The following CELF2 variants were observed in gnomAD, a reference collection of about 807,000 sequenced individuals.
The protein encoded by CELF2 is CUG triplet repeat RNA-binding protein 2.
CELF2 carries 8 observed loss-of-function variants against 62.6 expected under a neutral mutation model. That is an observed-to-expected ratio of 0.13 (90% confidence interval 0.07 to 0.23). The LOEUF is 0.23. Ranked by LOEUF, CELF2 falls within the 10% of genes least tolerant of loss-of-function variation. The pLI is 1.00. For missense variants in CELF2, 333 were observed against 671.0 expected, an observed-to-expected ratio of 0.50 and a Z score of 5.56; for synonymous variants, 258 against 250.0, an observed-to-expected ratio of 1.03 and a Z score of -0.30.
the CELF2 span, among the ~76,000 whole-genome samples, chr10:10,665,248 A>G: frequency 1.3e-5 from 2 of 152,172 alleles, no homozygotes; most frequent in Non-Finnish European, 2.9e-5. Context: ...AAAACATGGA[A>G]ATCAAAATTA....
chr10:11,041,340 C>CGA (rs1181467240), intron 1 of CELF2, among the ~76,000 whole-genome samples: 1 of 151,826 alleles, frequency 6.6e-6, no homozygotes, highest in Non-Finnish European at 1.5e-5. Flanking sequence ...AGTAAGATCC[C>CGA]GAGAGAGAGA....
At chr10:10,479,112 G>A in the CELF2 span, among the ~76,000 whole-genome samples, 2 of 152,094 alleles carry the variant, frequency 1.3e-5, no homozygotes, top group African/African-American at 4.8e-5. Flanking sequence ...GGAGAATAAA[G>A]AAGTATTCTC....
the CELF2 span, among the ~76,000 whole-genome samples, chr10:10,679,007 A>G: frequency 1.8e-4 from 27 of 152,212 alleles, no homozygotes; most frequent in African/African-American, 6.3e-4. Flanking sequence ...TCACATGGCC[A>G]GGGGAATTGT....
At chr10:11,109,365 A>G (rs1379552343) in intron 1 of CELF2, among the ~76,000 whole-genome samples, 3 of 152,212 alleles carry the variant, frequency 2.0e-5, no homozygotes, top group South Asian at 4.1e-4. Context: ...CTTGGGCATC[A>G]TGGGTAAAGG....
At position 11,321,304 on chromosome 10, in the gene CELF2, A is replaced by G. The variant is rs1223123347; in HGVS notation, c.1212A>G (p.Gln404=). The stretch of plus-strand genomic sequence containing the variant: ...TCACCCAGGCCTACTCAGGAATTCA[A>G]CAGTACGCAGCCGCCGCGCTGCCCA... ...DALTQAYSGI[Q]QYAAAALPTL... The change falls in exon 11 of 13, where the codon CAA becomes CAG. Residue 404 remains glutamine, a synonymous_variant. Transcript: ENST00000633077. This position sits in a 1 kb window ranked among gnomAD's most constrained non-coding sequence, Gnocchi z 6.2. 1 of 1,613,616 alleles carries G rather than the reference A, an allele frequency of 6.2e-7. No homozygotes were observed. Among genetic ancestry groups the G allele is most frequent in the Admixed American group, 1.7e-5 (1 of 60,006 alleles).
intron 1 of CELF2, among the ~76,000 whole-genome samples, chr10:11,138,299 T>C (rs1489195327): frequency 6.6e-6 from 1 of 152,194 alleles, no homozygotes; most frequent in East Asian, 1.9e-4. Context: ...CTGAGACACG[T>C]AAATGGAATT....
the CELF2 span, among the ~76,000 whole-genome samples, chr10:10,662,476 A>T: frequency 6.6e-6 from 1 of 152,024 alleles, no homozygotes; most frequent in Admixed American, 6.6e-5. Flanking sequence ...CACTGGCCTG[A>T]TTCCCTGTAG....
At chr10:11,049,626 C>G (rs1564519461) in intron 1 of CELF2, among the ~76,000 whole-genome samples, 1 of 151,210 alleles carries the variant, frequency 6.6e-6, no homozygotes, top group Non-Finnish European at 1.5e-5. Context: ...TCTGCATCTC[C>G]CCTTTTCTGT....
the CELF2 span, among the ~76,000 whole-genome samples, chr10:10,592,815 G>A: frequency 1.3e-5 from 2 of 152,242 alleles, no homozygotes; most frequent in African/African-American, 4.8e-5. Context: ...GGGCGTTGCG[G>A]TGTCCTCAAA....
At chr10:10,794,030 T>C (rs1229830926), upstream of CELF2, among the ~76,000 whole-genome samples, 1 of 152,218 alleles carries the variant, frequency 6.6e-6, no homozygotes. Flanking sequence ...ATACTTATAC[T>C]AAAAAATTAT....
the CELF2 span, among the ~76,000 whole-genome samples, chr10:10,571,784 A>T: frequency 6.6e-6 from 1 of 152,190 alleles, no homozygotes; most frequent in Non-Finnish European, 1.5e-5. Context: ...GTCATGAGAT[A>T]AGCCAGAGTG....
intron 11 of CELF2, among the ~76,000 whole-genome samples, chr10:11,325,162 C>T (rs2095656035): frequency 6.6e-6 from 1 of 152,196 alleles, no homozygotes; most frequent in African/African-American, 2.4e-5. Flanking sequence ...AGCTTGGCTT[C>T]CTCGGTCTTT....
the CELF2 span, among the ~76,000 whole-genome samples, chr10:10,652,655 C>T: frequency 2.0e-5 from 3 of 151,972 alleles, no homozygotes; most frequent in African/African-American, 2.4e-5. Flanking sequence ...TAAAATACTT[C>T]ACAGACAAGC....
the CELF2 span, among the ~76,000 whole-genome samples, chr10:10,757,352 G>A: frequency 6.6e-6 from 1 of 152,092 alleles, no homozygotes; most frequent in Admixed American, 6.6e-5. Context: ...CCAGCTACTC[G>A]GGAGGCTGAG....
intron 2 of CELF2, among the ~76,000 whole-genome samples, chr10:11,203,194 C>T (rs1304305682): frequency 3.3e-5 from 5 of 152,068 alleles, no homozygotes; most frequent in Admixed American, 6.5e-5. Context: ...AATTGATGGG[C>T]GGCGTGCTCT....
intron 1 of CELF2, among the ~76,000 whole-genome samples, chr10:10,809,933 C>T (rs535511417): frequency 1.3e-5 from 2 of 152,106 alleles, no homozygotes; most frequent in African/African-American, 4.8e-5. Context: ...TTTATTGAAC[C>T]AACAATATTA....
At chr10:10,493,857 C>T in the CELF2 span, among the ~76,000 whole-genome samples, 5 of 152,126 alleles carry the variant, frequency 3.3e-5, no homozygotes, top group South Asian at 2.1e-4. Context: ...GTTTAACAAG[C>T]GGTAGGCTGC....
At chr10:10,821,513 C>T (rs569102183) in intron 1 of CELF2, among the ~76,000 whole-genome samples, 2 of 152,258 alleles carry the variant, frequency 1.3e-5, no homozygotes, top group East Asian at 3.9e-4. Context: ...GGTTAAAGTC[C>T]TTCTTGTCTT....
At chr10:10,814,515 G>A (rs543101309) in intron 1 of CELF2, among the ~76,000 whole-genome samples, 11 of 152,270 alleles carry the variant, frequency 7.2e-5, no homozygotes, top group African/African-American at 9.6e-5. Flanking sequence ...CCACAGCAGC[G>A]CCGTAGTATC....
Sources: allele counts gnomAD v4.1 joint callset (sites outside exome capture counted in the v4.1 genomes callset), GRCh38; gene constraint gnomAD v4.1.1; non-coding constraint Gnocchi (gnomAD v3.1); transcripts MANE v1.5; gene names NCBI Gene and HGNC (gene_info 2026-07-23, HGNC 2026-07-21).